The following ZNF292 variants were observed in gnomAD, a reference collection of about 807,000 sequenced individuals.
ZNF292 encodes zinc finger protein 292, also known as 16 zinc-finger domain protein.
Under a neutral mutation model 217.9 loss-of-function variants are expected in ZNF292, and 26 were observed. That is an observed-to-expected ratio of 0.12 (90% CI 0.09 to 0.17). The LOEUF (loss-of-function observed/expected upper bound fraction) is 0.17, where lower values mean the gene tolerates loss of function less well. Among genes scored for constraint, ZNF292 ranks in the 10% least tolerant of loss-of-function variants. ZNF292 has a pLI of 1.00. For missense variants in ZNF292, 2,904 were observed against 3,175.2 expected, an observed-to-expected ratio of 0.91 and a Z score of 2.05; for synonymous variants, 1,257 against 1,124.1, an observed-to-expected ratio of 1.12 and a Z score of -2.37.
At position 87,263,876 on chromosome 6, in the gene ZNF292, G is replaced by T. The variant is rs1245848225; in HGVS notation, c.*2075G>T. On this transcript the variant is annotated 3_prime_UTR_variant, in exon 8 of 8. Coordinates refer to ENST00000369577, the MANE Select transcript of ZNF292 (RefSeq NM_015021.3). ...GCAAGTAGGTTTATTTCTGATCATT[G>T]TAACTATGAGCCACTGTTAAGTGAA... 1 of 152,072 alleles carries T rather than the reference G, an allele frequency of 6.6e-6. No individual in the cohort carries two copies. The highest frequency in any genetic ancestry group is 1.5e-5 in the Non-Finnish European group (1 of 67,996). 9.4% of individuals were successfully genotyped at this position (152,072 alleles called of 1,614,324 possible).
rs145591405 is a variant in ZNF292, at chr6:87,163,562, G to A, written c.168+7803G>A. Among the ~76,000 whole-genome samples, 9 of 152,252 alleles carry A rather than the reference G, an allele frequency of 5.9e-5. No individual in the cohort carries two copies. The South Asian group carries it at 8.3e-4, about 14-fold the overall frequency. On this transcript the variant is annotated intron_variant, in intron 1 of 7. Coordinates refer to ENST00000369577, the MANE Select transcript of ZNF292 (RefSeq NM_015021.3). ...ATGTGGGAACACTAAGGTAGCTATG[G>A]AGAATTATGGAGTGGACCTCCACCC...
In ZNF292 at chr6:87,226,656, T is replaced by TAAAAA. The variant is rs1773363385; in HGVS notation, c.539-6668_539-6667insAAAAA. ...ATATATATCTATATATCTATATATA[T>TAAAAA]ATAGATATATAGATATATAGATATA... On this transcript the variant is annotated intron_variant, in intron 4 of 7. Transcript: ENST00000369577. 4.4e-4 allele frequency among the ~76,000 whole-genome samples: 43 copies of TAAAAA among 98,394 alleles called. No homozygotes were observed. In the South Asian group the frequency reaches 0.011, roughly 24 times the overall value. The allele number at this position is 98,394 out of a possible 152,430, so 64.6% of individuals were successfully genotyped here.
chr6:87,191,490 T>C (rs1176698331), intron 1 of ZNF292, among the ~76,000 whole-genome samples: 1 of 152,160 alleles, frequency 6.6e-6, no homozygotes, highest in Non-Finnish European at 1.5e-5. Context: ...TACATGTATG[T>C]GGCAATAGTT....
chr6:87,191,119 A>G (rs1275299171), intron 1 of ZNF292, among the ~76,000 whole-genome samples: 2 of 152,120 alleles, frequency 1.3e-5, no homozygotes, highest in Non-Finnish European at 2.9e-5. Context: ...ATTCCATATC[A>G]GTGTATTCAA....
chr6:87,222,591 T>C (rs941719179), intron 4 of ZNF292, among the ~76,000 whole-genome samples: 1 of 152,220 alleles, frequency 6.6e-6, no homozygotes, highest in Non-Finnish European at 1.5e-5. Context: ...TTTAAATTTA[T>C]AGAAAAATTG....
At chr6:87,203,919 G>A (rs997654065) in intron 1 of ZNF292, among the ~76,000 whole-genome samples, 2 of 152,136 alleles carry the variant, frequency 1.3e-5, no homozygotes, top group Non-Finnish European at 2.9e-5. Context: ...CCAGCATGCC[G>A]AGTCAAAGCC....
chr6:87,160,848 C>T (rs935699092), intron 1 of ZNF292, among the ~76,000 whole-genome samples: 56 of 152,048 alleles, frequency 3.7e-4, no homozygotes, highest in Admixed American at 3.0e-3. Flanking sequence ...CATTTAGTGC[C>T]CATGAGCTTC....
Position 87,257,280 on chromosome 6 carries a change from T to C in ZNF292, c.3651T>C (p.Ser1217=). 6.2e-7 allele frequency: 1 copy of C among 1,613,656 alleles called. No individual in the cohort carries two copies. The highest frequency in any genetic ancestry group is 8.5e-7 in the Non-Finnish European group (1 of 1,179,788). The change falls in exon 8 of 8, where the codon TCT becomes TCC. Residue 1217 remains serine (S), a synonymous_variant. Transcript: ENST00000369577. ...GTGTCATAAATCCAAATATAACTTCTCAGGATAAAAATGAACAAGGTGGTA... is the reference window on the plus strand; with the variant it reads ...GTGTCATAAATCCAAATATAACTTCCCAGGATAAAAATGAACAAGGTGGTA... ...MESVINPNIT[S]QDKNEQGGML... is the part of the protein sequence containing the mutation.
chr6:87,184,721 G>A (rs974427221), intron 1 of ZNF292, among the ~76,000 whole-genome samples: 1 of 152,172 alleles, frequency 6.6e-6, no homozygotes, highest in Admixed American at 6.5e-5. Flanking sequence ...TGGGGTTGCT[G>A]TAGCAAAGCT....
chr6:87,163,217 C>T (rs965379493), intron 1 of ZNF292, among the ~76,000 whole-genome samples: 2 of 152,034 alleles, frequency 1.3e-5, no homozygotes, highest in East Asian at 1.9e-4. Context: ...TTTGGGAGGC[C>T]GAGGCGGGCA....
At chr6:87,207,559 T>A (rs1772297612) in intron 1 of ZNF292, among the ~76,000 whole-genome samples, 1 of 152,226 alleles carries the variant, frequency 6.6e-6, no homozygotes, top group Non-Finnish European at 1.5e-5. Context: ...AACATATTCT[T>A]TATTTCATGT....
intron 5 of ZNF292, among the ~76,000 whole-genome samples, chr6:87,238,970 A>G (rs1239023395): frequency 6.6e-6 from 1 of 152,236 alleles, no homozygotes; most frequent in African/African-American, 2.4e-5. Flanking sequence ...TGGACACAGC[A>G]CATGTTTCAG....
chr6:87,196,514 C>T (rs1028730809), intron 1 of ZNF292, among the ~76,000 whole-genome samples: 3 of 152,174 alleles, frequency 2.0e-5, no homozygotes, highest in African/African-American at 7.2e-5. Context: ...GCCCAGTAAC[C>T]AGTTGCTGTC....
Position 87,263,846 on chromosome 6 carries a change from C to T in ZNF292, c.*2045C>T, listed in dbSNP as rs538410420. 3.3e-5 allele frequency: 5 copies of T among 152,194 alleles called. No individual in the cohort carries two copies. Among genetic ancestry groups the T allele is most frequent in the African/African-American group, 1.2e-4 (5 of 41,536 alleles). 9.4% of individuals were successfully genotyped at this position (152,194 alleles called of 1,614,324 possible). A position where few individuals can be genotyped will look rare whatever the true frequency, so the allele number is the denominator to read the frequency against. Reference sequence around the variant, plus strand: ...CTTGGCAAAACTGCCCTATATAGCACAGTAGCAAGTAGGTTTATTTCTGAT... The same window carrying T: ...CTTGGCAAAACTGCCCTATATAGCATAGTAGCAAGTAGGTTTATTTCTGAT... On this transcript the variant is annotated 3_prime_UTR_variant, in exon 8 of 8. Coordinates refer to ENST00000369577, the MANE Select transcript of ZNF292 (RefSeq NM_015021.3).
At position 87,263,681 on chromosome 6, in the gene ZNF292, G is replaced by A. The variant is rs1775720339; in HGVS notation, c.*1880G>A. On this transcript the variant is annotated 3_prime_UTR_variant, in exon 8 of 8. Transcript: ENST00000369577. ...TATTAAAATAAAAGTTATTTTATGG[G>A]TGATTAATACATGGGTTTTCTTTTT... 1 of 151,960 alleles carries A rather than the reference G, an allele frequency of 6.6e-6. No individual in the cohort carries two copies. The highest frequency in any genetic ancestry group is 1.5e-5 in the Non-Finnish European group (1 of 67,942). 9.4% of individuals were successfully genotyped at this position (151,960 alleles called of 1,614,324 possible). A position where few individuals can be genotyped will look rare whatever the true frequency, so the allele number is the denominator to read the frequency against.
chr6:87,227,877 G>T (rs1418030287), intron 4 of ZNF292, among the ~76,000 whole-genome samples: 2 of 151,988 alleles, frequency 1.3e-5, no homozygotes, highest in East Asian at 1.9e-4. Flanking sequence ...CCACCTCTTG[G>T]TTATTGTGAG....
At chr6:87,166,265 G>A (rs1770910180) in intron 1 of ZNF292, among the ~76,000 whole-genome samples, 1 of 152,024 alleles carries the variant, frequency 6.6e-6, no homozygotes, top group Admixed American at 6.6e-5. Flanking sequence ...TTCCTCACAA[G>A]CATATCTGTT....
chr6:87,261,459 T>C lies in ZNF292; in HGVS notation c.7830T>C (p.Thr2610=), dbSNP rs754957324. 2 of 1,605,382 alleles carry C rather than the reference T, an allele frequency of 1.2e-6. No individual in the cohort carries two copies. The highest frequency in any genetic ancestry group is 3.4e-5 in the Admixed American group (2 of 58,238). The change falls in exon 8 of 8, where the codon ACT becomes ACC. Residue 2610 remains threonine (T), a synonymous_variant. Coordinates refer to ENST00000369577, the MANE Select transcript of ZNF292 (RefSeq NM_015021.3). ...EESAVKQKKN[T]DKDHPNTGNK... The stretch of plus-strand genomic sequence containing the variant: ...CTGCAGTGAAGCAGAAGAAAAATAC[T>C]GACAAAGACCATCCGAATACTGGAA...
At chr6:87,211,762 A>G (rs1458127083) in intron 1 of ZNF292, among the ~76,000 whole-genome samples, 1 of 152,170 alleles carries the variant, frequency 6.6e-6, no homozygotes, top group East Asian at 1.9e-4. Context: ...CTTACAGGTT[A>G]CTCATTAATG....
Sources: gnomAD v4.1 joint callset for allele counts (sites outside exome capture counted in the v4.1 genomes callset) on GRCh38, gnomAD v4.1.1 for gene constraint, MANE v1.5 for transcripts, NCBI Gene and HGNC (gene_info 2026-07-23, HGNC 2026-07-21) for gene names.